The following ENTREP2 variants were observed in gnomAD, a reference collection of about 807,000 sequenced individuals.
The protein encoded by ENTREP2 is protein ENTREP2.
chr15:29,623,371 C>G, the ENTREP2 span, among the ~76,000 whole-genome samples: 1 of 152,208 alleles, frequency 6.6e-6, no homozygotes, highest in African/African-American at 2.4e-5. Context: ...TTGTAATTTA[C>G]TCAGCTTCAT....
At chr15:29,665,643 G>A in the ENTREP2 span, among the ~76,000 whole-genome samples, 5 of 152,170 alleles carry the variant, frequency 3.3e-5, no homozygotes, top group African/African-American at 1.2e-4. Flanking sequence ...TGAACAGCAT[G>A]CCAGCTGCCA....
At chr15:29,603,727 C>T in the ENTREP2 span, among the ~76,000 whole-genome samples, 19 of 152,232 alleles carry the variant, frequency 1.2e-4, no homozygotes, top group Middle Eastern at 3.4e-3. Flanking sequence ...CAACCTCCGC[C>T]GCCCGGGTTC....
At chr15:29,385,719 G>A in the ENTREP2 span, among the ~76,000 whole-genome samples, 4 of 152,116 alleles carry the variant, frequency 2.6e-5, no homozygotes, top group Non-Finnish European at 5.9e-5. Flanking sequence ...GAGAAGGGTG[G>A]GGTGCCTGGC....
At chr15:29,608,757 C>A in the ENTREP2 span, among the ~76,000 whole-genome samples, 1 of 151,690 alleles carries the variant, frequency 6.6e-6, no homozygotes, top group African/African-American at 2.4e-5. Context: ...TTAGTAGAGA[C>A]AGGGTTTCAC....
At chr15:29,472,305 G>A in the ENTREP2 span, among the ~76,000 whole-genome samples, 1 of 152,046 alleles carries the variant, frequency 6.6e-6, no homozygotes, top group African/African-American at 2.4e-5. Flanking sequence ...AAACAGCTCT[G>A]GAAGGGCAGG....
At chr15:29,337,398 G>A in the ENTREP2 span, among the ~76,000 whole-genome samples, 2 of 152,180 alleles carry the variant, frequency 1.3e-5, no homozygotes, top group African/African-American at 4.8e-5. Context: ...GTCAGGGAGG[G>A]CTGCCTGCCT....
chr15:29,129,803 A>G, the ENTREP2 span, among the ~76,000 whole-genome samples: 2 of 152,078 alleles, frequency 1.3e-5, no homozygotes, highest in East Asian at 1.9e-4. Flanking sequence ...GGCCTCCCGG[A>G]TGCGATGTTT....
chr15:29,211,272 G>C, the ENTREP2 span, among the ~76,000 whole-genome samples: 2 of 152,120 alleles, frequency 1.3e-5, no homozygotes, highest in African/African-American at 4.8e-5. Flanking sequence ...GAGAGTCATG[G>C]TGTTCTGTGA....
At chr15:29,624,185 T>G in the ENTREP2 span, among the ~76,000 whole-genome samples, 1 of 152,258 alleles carries the variant, frequency 6.6e-6, no homozygotes, top group African/African-American at 2.4e-5. Context: ...TATCCTATGA[T>G]AGTTATTCTA....
At chr15:29,189,036 C>T in the ENTREP2 span, among the ~76,000 whole-genome samples, 4 of 152,218 alleles carry the variant, frequency 2.6e-5, no homozygotes, top group Non-Finnish European at 5.9e-5. Context: ...CTGCATCCTG[C>T]CTCATATCCT....
chr15:29,439,442 A>G, the ENTREP2 span, among the ~76,000 whole-genome samples: 1 of 152,190 alleles, frequency 6.6e-6, no homozygotes, highest in Non-Finnish European at 1.5e-5. Context: ...TAAAGGCCAA[A>G]ATAAATAGAC....
the ENTREP2 span, among the ~76,000 whole-genome samples, chr15:29,539,471 G>A: frequency 6.6e-6 from 1 of 152,042 alleles, no homozygotes. Flanking sequence ...TAATCAGCAG[G>A]AGCCCCTGAA....
At chr15:29,334,760 G>C in the ENTREP2 span, among the ~76,000 whole-genome samples, 1 of 152,160 alleles carries the variant, frequency 6.6e-6, no homozygotes, top group Non-Finnish European at 1.5e-5. Flanking sequence ...TGGGACACGG[G>C]AGGCTGAGTT....
At chr15:29,174,455 G>A in the ENTREP2 span, among the ~76,000 whole-genome samples, 4 of 152,142 alleles carry the variant, frequency 2.6e-5, no homozygotes, top group Admixed American at 2.0e-4. Context: ...TTGGGAGGCC[G>A]AGGCGGGCAG....
the ENTREP2 span, among the ~76,000 whole-genome samples, chr15:29,303,221 G>A: frequency 6.6e-6 from 1 of 152,212 alleles, no homozygotes. Context: ...AAGGTGACAG[G>A]AAGAGTCTAT....
At chr15:29,465,612 C>T in the ENTREP2 span, among the ~76,000 whole-genome samples, 7 of 152,196 alleles carry the variant, frequency 4.6e-5, no homozygotes, top group South Asian at 2.1e-4. Context: ...CCTGGATGTA[C>T]TCTAAAGGCT....
the ENTREP2 span, among the ~76,000 whole-genome samples, chr15:29,468,144 G>A: frequency 1.3e-5 from 2 of 152,110 alleles, 1 homozygote; most frequent in South Asian, 4.1e-4. Context: ...TTCCAATACT[G>A]GGAGCACCCT....
the ENTREP2 span, among the ~76,000 whole-genome samples, chr15:29,539,328 G>A: frequency 1.3e-5 from 2 of 151,908 alleles, no homozygotes; most frequent in Non-Finnish European, 1.5e-5. Context: ...GCAACCAGAA[G>A]GATCACACTC....
At chr15:29,403,243 A>C in the ENTREP2 span, among the ~76,000 whole-genome samples, 10 of 152,212 alleles carry the variant, frequency 6.6e-5, no homozygotes, top group Non-Finnish European at 1.3e-4. Context: ...CATAAATGCA[A>C]GCTACAAGAA....
Sources: allele counts gnomAD v4.1 joint callset (sites outside exome capture counted in the v4.1 genomes callset), GRCh38; gene constraint gnomAD v4.1.1; transcripts MANE v1.5; gene names NCBI Gene and HGNC (gene_info 2026-07-23, HGNC 2026-07-21).